Variants in NDUFS4 observed in about 807,000 individuals in gnomAD.
NDUFS4 encodes NADH dehydrogenase [ubiquinone] iron-sulfur protein 4, mitochondrial.
Under a neutral mutation model 24.3 loss-of-function variants are expected in NDUFS4, and 28 were observed. The observed-to-expected ratio is 1.15, with a 90% confidence interval of 0.85 to 1.58. The LOEUF (loss-of-function observed/expected upper bound fraction) is 1.58. Ranked by LOEUF, NDUFS4 falls within the 40% of genes most tolerant of loss-of-function variation. The pLI is 0.00. For synonymous variants in NDUFS4, 93 were observed against 69.7 expected (o/e 1.34, Z -1.67); for missense variants, 223 against 207.9 (o/e 1.07, Z -0.45).
At chr5:53,592,887 C>T (rs1306823528) in intron 1 of NDUFS4, among the ~76,000 whole-genome samples, 1 of 152,108 alleles carries the variant, frequency 6.6e-6, no homozygotes, top group Non-Finnish European at 1.5e-5. Context: ...TAGAATCATG[C>T]CTGGAATAAA....
In NDUFS4 at chr5:53,664,640, G is replaced by T. The variant is rs184355595; in HGVS notation, c.424+6016G>T. On this transcript the variant is annotated intron_variant, in intron 4 of 4. Transcript: ENST00000296684. ...GATCAAATCGGCTACTGAGGCTTGT[G>T]TATTTGTCACGTAGTTCTTGTTCCG... is the stretch of plus-strand genomic sequence containing the variant. Among the ~76,000 whole-genome samples, 1,398 of 152,282 alleles carry T rather than the reference G, an allele frequency of 9.2e-3. 5 individuals carry two copies. Among genetic ancestry groups the T allele is most frequent in the Non-Finnish European group, 0.015 (988 of 68,024 alleles).
chr5:53,560,871 C>T (rs571098049), intron 1 of NDUFS4, 111 bp downstream of exon 1: 199 of 1,569,420 alleles, frequency 1.3e-4, no homozygotes, highest in East Asian at 6.0e-4. Context: ...CTCTGTTGAC[C>T]CTTTTCTCGG....
chr5:53,580,771 TTC>T (rs746212044), intron 1 of NDUFS4, among the ~76,000 whole-genome samples: 140 of 150,598 alleles, frequency 9.3e-4, no homozygotes, highest in Non-Finnish European at 1.5e-3. Context: ...CTTTCTTTCT[TTC>T]TCTCTCTCTT....
At chr5:53,566,226 G>A (rs1403551731) in intron 1 of NDUFS4, among the ~76,000 whole-genome samples, 2 of 152,110 alleles carry the variant, frequency 1.3e-5, no homozygotes, top group African/African-American at 2.4e-5. Context: ...CTTGGTTCCT[G>A]TATAATACTT....
chr5:53,598,768 A>G (rs423014), intron 1 of NDUFS4, among the ~76,000 whole-genome samples: 119,504 of 152,120 alleles, frequency 0.79, 47,090 homozygotes, highest in African/African-American at 0.84. Context: ...TTAGAAATAA[A>G]GTTTATTGAT....
intron 1 of NDUFS4, among the ~76,000 whole-genome samples, chr5:53,598,767 A>T (rs1750213678): frequency 6.6e-6 from 1 of 152,190 alleles, no homozygotes; most frequent in South Asian, 2.1e-4. Context: ...ATTAGAAATA[A>T]AGTTTATTGA....
chr5:53,610,388 T>TC (rs1401902770), intron 2 of NDUFS4, among the ~76,000 whole-genome samples: 1 of 152,054 alleles, frequency 6.6e-6, no homozygotes, highest in African/African-American at 2.4e-5. Flanking sequence ...ACATCAAAGA[T>TC]CACGGATCAC....
chr5:53,586,747 TCTC>T, intron 1 of NDUFS4, among the ~76,000 whole-genome samples: 1 of 151,902 alleles, frequency 6.6e-6, no homozygotes, highest in Non-Finnish European at 1.5e-5. Flanking sequence ...ATGGTCTTGA[TCTC>T]CTGACCTTGT....
At chr5:53,666,799 T>C (rs536418100) in intron 4 of NDUFS4, among the ~76,000 whole-genome samples, 26 of 152,144 alleles carry the variant, frequency 1.7e-4, no homozygotes, top group Non-Finnish European at 2.8e-4. Context: ...CTGGATGTGG[T>C]GGTGCGCACC....
At chr5:53,562,110 TCTC>T (rs1018981771) in intron 1 of NDUFS4, among the ~76,000 whole-genome samples, 24 of 152,058 alleles carry the variant, frequency 1.6e-4, no homozygotes, top group African/African-American at 5.8e-4. Context: ...TTCAAGCAGT[TCTC>T]CTGCCGCAGC....
chr5:53,592,584 C>G (rs938377077), intron 1 of NDUFS4, among the ~76,000 whole-genome samples: 1 of 152,142 alleles, frequency 6.6e-6, no homozygotes, highest in African/African-American at 2.4e-5. Flanking sequence ...GGTGTAATGT[C>G]ACTGTGTAGA....
intron 4 of NDUFS4, among the ~76,000 whole-genome samples, chr5:53,682,783 T>C (rs1740710231): frequency 6.6e-6 from 1 of 152,104 alleles, no homozygotes; most frequent in Admixed American, 6.6e-5. Context: ...ATTGCAACTA[T>C]TTTAAAGGCC....
chr5:53,651,437 A>G (rs1752012527), intron 3 of NDUFS4, among the ~76,000 whole-genome samples: 1 of 151,958 alleles, frequency 6.6e-6, no homozygotes, highest in Non-Finnish European at 1.5e-5. Flanking sequence ...TGTCCCAGAT[A>G]AATTAATGAG....
At chr5:53,645,937 T>C (rs948467187) in intron 2 of NDUFS4, among the ~76,000 whole-genome samples, 1 of 152,214 alleles carries the variant, frequency 6.6e-6, no homozygotes, top group African/African-American at 2.4e-5. Flanking sequence ...CAGGCTCTTC[T>C]GCGAGCAAAC....
intron 2 of NDUFS4, among the ~76,000 whole-genome samples, chr5:53,621,894 G>A (rs987710422): frequency 6.6e-6 from 1 of 151,446 alleles, no homozygotes; most frequent in African/African-American, 2.4e-5. Context: ...TAGAGACGGG[G>A]TTTCACCGTG....
At position 53,658,436 on chromosome 5, in the gene NDUFS4, A is replaced by G. The variant is rs1488315613; in HGVS notation, c.351-115A>G. The G allele has an allele frequency of 1.1e-5, 8 of 703,246 alleles. 1 individual carries two copies. The highest frequency in any genetic ancestry group is 2.0e-5 in the Non-Finnish European group (8 of 403,210). 43.6% of individuals were successfully genotyped at this position (703,246 alleles called of 1,614,324 possible). On this transcript the variant is annotated intron_variant, in intron 3 of 4. Transcript: ENST00000296684. ...TTAAAGAAATTATTACAAATAAAAT[A>G]TTCCATCAATAATGTACTTATTTGA...
At chr5:53,651,195 A>G (rs895726860) in intron 3 of NDUFS4, among the ~76,000 whole-genome samples, 1 of 152,012 alleles carries the variant, frequency 6.6e-6, no homozygotes, top group African/African-American at 2.4e-5. Flanking sequence ...GAATAAAATT[A>G]TTATTTAAAA....
At chr5:53,660,851 G>T (rs1386042353) in intron 4 of NDUFS4, among the ~76,000 whole-genome samples, 3 of 152,022 alleles carry the variant, frequency 2.0e-5, no homozygotes, top group African/African-American at 7.2e-5. Flanking sequence ...GAGGTTCTTT[G>T]TTTTTTTCTT....
At chr5:53,590,479 TAG>T (rs1421641965) in intron 1 of NDUFS4, among the ~76,000 whole-genome samples, 1 of 152,202 alleles carries the variant, frequency 6.6e-6, no homozygotes, top group Non-Finnish European at 1.5e-5. Context: ...AGGCAAGCAC[TAG>T]TAGTTTTTAA....
Sources: allele counts gnomAD v4.1 joint callset (sites outside exome capture counted in the v4.1 genomes callset), GRCh38; gene constraint gnomAD v4.1.1; transcripts MANE v1.5; gene names NCBI Gene and HGNC (gene_info 2026-07-23, HGNC 2026-07-21).